ANKRD31: variants seen among roughly 807,000 people sequenced by gnomAD.
The protein encoded by ANKRD31 is ankyrin repeat domain-containing protein 31.
In ANKRD31, 147 loss-of-function variants were observed where a neutral mutation model predicts 186.0. That is an observed-to-expected ratio of 0.79 (90% CI 0.69 to 0.91). The LOEUF is 0.91. Ranked by LOEUF, ANKRD31 falls within the 40% of genes least tolerant of loss-of-function variation. ANKRD31 has a pLI of 0.00. For synonymous variants in ANKRD31, 673 were observed against 736.4 expected (o/e 0.91, Z 1.39); for missense variants, 1,986 against 2,148.8 (o/e 0.92, Z 1.50).
chr5:75,104,287 C>A lies in ANKRD31; in HGVS notation c.5272G>T (p.Asp1758Tyr), dbSNP rs1384185101. The change falls in exon 22 of 26, where the codon GAT becomes TAT. Residue 1758 changes from aspartate (D) to tyrosine (Y), a missense_variant. By Grantham distance (160) the Asp-to-Tyr change is radical (BLOSUM62 -3). Coordinates refer to ENST00000506364, the MANE Select transcript of ANKRD31 (RefSeq NM_001372053.1). The part of the protein sequence containing the change: ...APKKKCIQIK[D>Y]LILLGRINPG... ...TTAATTCTTCCTAGTAATATCAAAT[C>A]TTTTATCTGAATACATTTCTTTTTA... 3 of 1,534,278 alleles carry A rather than the reference C, an allele frequency of 2.0e-6. No homozygotes were observed. In the African/African-American group the frequency reaches 4.1e-5, roughly 21 times the overall value.
chr5:75,085,324 G>C (rs1745399672), intron 23 of ANKRD31, among the ~76,000 whole-genome samples: 1 of 151,948 alleles, frequency 6.6e-6, no homozygotes, highest in Non-Finnish European at 1.5e-5. Flanking sequence ...CAGAGTGCCT[G>C]ACGATACTGG....
intron 10 of ANKRD31, among the ~76,000 whole-genome samples, chr5:75,185,143 T>C (rs1272499590): frequency 1.3e-5 from 2 of 152,202 alleles, no homozygotes; most frequent in Non-Finnish European, 2.9e-5. Flanking sequence ...CTTACTCATA[T>C]GCAGAATCTA....
Position 75,199,689 on chromosome 5 carries a change from T to A in ANKRD31, c.404-15A>T. ...AGCCTCTGGCCCTAGAAAAAAACAA[T>A]GTGTTTTCATTCCAGTTTTATGGAA... On this transcript the variant is annotated splice_polypyrimidine_tract_variant and intron_variant, in intron 5 of 25. Coordinates refer to ENST00000506364, the MANE Select transcript of ANKRD31 (RefSeq NM_001372053.1). 1 of 1,530,670 alleles carries A rather than the reference T, an allele frequency of 6.5e-7. No homozygotes were observed. The highest frequency in any genetic ancestry group is 8.7e-7 in the Non-Finnish European group (1 of 1,143,338). 94.8% of individuals were successfully genotyped at this position (1,530,670 alleles called of 1,614,324 possible).
chr5:75,184,209 TA>T (rs1381130468), intron 10 of ANKRD31, among the ~76,000 whole-genome samples: 2 of 151,910 alleles, frequency 1.3e-5, no homozygotes, highest in Non-Finnish European at 2.9e-5. Flanking sequence ...TGCAGAAGAA[TA>T]AAACTGGATC....
Position 75,104,492 on chromosome 5 carries a change from T to C in ANKRD31, c.5067A>G (p.Ser1689=), listed in dbSNP as rs1411942474. ...CAATCCCTTGATGTGCCAGAGATTC[T>C]GATGCCCCTGTAGGTGATTGCTGGG... ...TSSQQSPTGA[S]ESLAHQGIAV... Residue 1689 remains serine (S), a synonymous_variant, in exon 22 of 26, where the codon TCA becomes TCG. Transcript: ENST00000506364. 5 of 1,537,136 alleles carry C rather than the reference T, an allele frequency of 3.3e-6. No homozygotes were observed. Among genetic ancestry groups the C allele is most frequent in the African/African-American group, 2.7e-5 (2 of 73,054 alleles).
intron 17 of ANKRD31, among the ~76,000 whole-genome samples, chr5:75,133,722 G>T (rs878859214): frequency 6.6e-6 from 1 of 152,128 alleles, no homozygotes; most frequent in Non-Finnish European, 1.5e-5. Context: ...ATTCTTTTCA[G>T]CACCACACCA....
In ANKRD31 at chr5:75,195,655, A is replaced by G; in HGVS notation, c.993T>C (p.Asn331=). The change falls in exon 7 of 26, where the codon AAT becomes AAC. Residue 331 remains asparagine (N), a synonymous_variant. Transcript: ENST00000506364. ...LEVEFNTSQT[N]EDCTQIAETL... ...CCTCTGCTATTTGTGTACAATCTTC[A>G]TTGGTCTGAGACGTATTGAACTCCA... The G allele has an allele frequency of 6.5e-7, 1 of 1,531,486 alleles. No individual in the cohort carries two copies. The highest frequency in any genetic ancestry group is 8.7e-7 in the Non-Finnish European group (1 of 1,144,516). 94.9% of individuals were successfully genotyped at this position (1,531,486 alleles called of 1,614,324 possible).
intron 23 of ANKRD31, among the ~76,000 whole-genome samples, chr5:75,090,901 A>G (rs1482656716): frequency 1.3e-5 from 2 of 152,234 alleles, no homozygotes; most frequent in Non-Finnish European, 1.5e-5. Flanking sequence ...CTAAGTTACC[A>G]ATACACCAGT....
At chr5:75,222,707 T>G (rs1757380299) in intron 2 of ANKRD31, among the ~76,000 whole-genome samples, 4 of 152,104 alleles carry the variant, frequency 2.6e-5, no homozygotes, top group Admixed American at 1.3e-4. Context: ...CAGTGTTTGG[T>G]TTTCTGTTCC....
intron 11 of ANKRD31, among the ~76,000 whole-genome samples, chr5:75,167,248 T>G (rs1161099422): frequency 6.6e-6 from 1 of 152,118 alleles, no homozygotes; most frequent in Non-Finnish European, 1.5e-5. Context: ...ATAAAACAAT[T>G]AAGACCTGTA....
At chr5:75,154,887 C>G (rs1421875522) in intron 11 of ANKRD31, among the ~76,000 whole-genome samples, 1 of 152,100 alleles carries the variant, frequency 6.6e-6, no homozygotes, top group Non-Finnish European at 1.5e-5. Context: ...GTTACTACTT[C>G]TCAAACAACC....
intron 12 of ANKRD31, among the ~76,000 whole-genome samples, chr5:75,153,671 G>A (rs1751981830): frequency 6.6e-6 from 1 of 152,084 alleles, no homozygotes; most frequent in South Asian, 2.1e-4. Flanking sequence ...TGAATGTAGA[G>A]TTGTTACCAA....
chr5:75,154,096 C>G, intron 12 of ANKRD31, 105 bp downstream of exon 12: 1 of 1,152,258 alleles, frequency 8.7e-7, no homozygotes, highest in Non-Finnish European at 1.1e-6. Flanking sequence ...GATGGATTTT[C>G]TCAACACTCA....
chr5:75,235,603 G>A (rs1758219239), intron 1 of ANKRD31, among the ~76,000 whole-genome samples: 1 of 152,136 alleles, frequency 6.6e-6, no homozygotes, highest in Non-Finnish European at 1.5e-5. Flanking sequence ...ATAGGACAAA[G>A]CCCAGGGCTT....
intron 17 of ANKRD31, among the ~76,000 whole-genome samples, chr5:75,123,852 C>G (rs562572092): frequency 6.6e-6 from 1 of 152,068 alleles, no homozygotes; most frequent in Admixed American, 6.5e-5. Flanking sequence ...TTAGGGAAAA[C>G]TCTTCTTGAC....
At chr5:75,152,624 G>T (rs969125565) in intron 12 of ANKRD31, among the ~76,000 whole-genome samples, 1 of 151,866 alleles carries the variant, frequency 6.6e-6, no homozygotes, top group East Asian at 1.9e-4. Context: ...TTGTTTCAGA[G>T]GACTGACAAT....
At chr5:75,173,222 T>C (rs1753492275) in intron 10 of ANKRD31, among the ~76,000 whole-genome samples, 2 of 152,166 alleles carry the variant, frequency 1.3e-5, no homozygotes, top group Non-Finnish European at 2.9e-5. Flanking sequence ...AAACTAGGTA[T>C]TGATGGGACG....
chr5:75,107,354 G>C (rs917479085), intron 21 of ANKRD31, among the ~76,000 whole-genome samples, 167 bp downstream of exon 21: 34 of 151,938 alleles, frequency 2.2e-4, no homozygotes, highest in African/African-American at 8.2e-4. Flanking sequence ...TACCTTTCTG[G>C]GAAGTATAAT....
Position 75,236,868 on chromosome 5 carries a change from G to C in ANKRD31, c.-182C>G, listed in dbSNP as rs936127228. On this transcript the variant is annotated 5_prime_UTR_variant, in exon 1 of 26. Coordinates refer to ENST00000506364, the MANE Select transcript of ANKRD31 (RefSeq NM_001372053.1). ...ACGCAGGCGGCCGCGAGCGCGGCGG[G>C]GTAGCAGTCTGCGAGGCGGCCCGCG... 2.2e-6 allele frequency: 1 copy of C among 462,870 alleles called. No homozygotes were observed. Among genetic ancestry groups the C allele is most frequent in the South Asian group, 3.3e-5 (1 of 30,394 alleles). 28.7% of individuals were successfully genotyped at this position (462,870 alleles called of 1,614,324 possible).
Sources: allele counts gnomAD v4.1 joint callset (sites outside exome capture counted in the v4.1 genomes callset), GRCh38; gene constraint gnomAD v4.1.1; transcripts MANE v1.5; gene names NCBI Gene and HGNC (gene_info 2026-07-23, HGNC 2026-07-21).